NPSR1: variants seen among roughly 807,000 people sequenced by gnomAD.
NPSR1 encodes the protein neuropeptide S receptor 1.
NPSR1 carries 48 observed loss-of-function variants against 46.9 expected under a neutral mutation model. That is an observed-to-expected ratio of 1.02 (90% CI 0.81 to 1.30). The LOEUF is 1.30. Ranked by LOEUF, NPSR1 falls within the 50% of genes most tolerant of loss-of-function variation. The pLI, the probability that NPSR1 is intolerant of heterozygous loss-of-function variation, is 0.00. For synonymous variants in NPSR1, 176 were observed against 168.1 expected (o/e 1.05, Z -0.36); for missense variants, 450 against 449.5 (o/e 1.00, Z -0.01).
At chr7:34,733,190 A>C (rs962484975) in intron 2 of NPSR1, among the ~76,000 whole-genome samples, 2 of 152,150 alleles carry the variant, frequency 1.3e-5, no homozygotes, top group Non-Finnish European at 2.9e-5. Context: ...GGGAAGCCAC[A>C]GTGGGTGGAT....
chr7:34,687,489 AG>A (rs1792995975), intron 2 of NPSR1, among the ~76,000 whole-genome samples: 1 of 152,226 alleles, frequency 6.6e-6, no homozygotes, highest in Admixed American at 6.5e-5. Context: ...AAGGAGAAGC[AG>A]GTACCTTCTT....
Position 34,695,361 on chromosome 7 carries a change from G to GA in NPSR1, c.280+10684dup, listed in dbSNP as rs940663902. 4.0e-4 allele frequency among the ~76,000 whole-genome samples: 61 copies of GA among 151,892 alleles called. 1 individual carries two copies. The highest frequency in any genetic ancestry group is 2.5e-3 in the South Asian group (12 of 4,804). On this transcript the variant is annotated intron_variant, in intron 2 of 8. Transcript: ENST00000360581. ...AAGATCTGAAACTAAAAATCTTAGGGAAAAAAACCTGGGAAAACTCTACTG... is the reference window on the plus strand; with the variant it reads ...AAGATCTGAAACTAAAAATCTTAGGGAAAAAAAACCTGGGAAAACTCTACTG...
At chr7:34,827,105 C>T (rs2128756029) in intron 4 of NPSR1, among the ~76,000 whole-genome samples, 1 of 152,298 alleles carries the variant, frequency 6.6e-6, no homozygotes. Flanking sequence ...CTCCCTAATA[C>T]TGCAGGAATG....
chr7:34,673,788 C>G (rs1319256812), intron 1 of NPSR1, among the ~76,000 whole-genome samples: 1 of 152,148 alleles, frequency 6.6e-6, no homozygotes, highest in Non-Finnish European at 1.5e-5. Flanking sequence ...TAGCTGTATA[C>G]AGATTTCTTA....
Position 34,752,535 on chromosome 7 carries a change from G to A in NPSR1, c.281-25927G>A, listed in dbSNP as rs188590309. On this transcript the variant is annotated intron_variant, in intron 2 of 8. Coordinates refer to ENST00000360581, the MANE Select transcript of NPSR1 (RefSeq NM_207172.2). ...GTTACATTCCAGCCTTCGTACAGGGGCACTGGCTTTTAATATTTAACTTAA... is the reference window on the plus strand; with the variant it reads ...GTTACATTCCAGCCTTCGTACAGGGACACTGGCTTTTAATATTTAACTTAA... Among the ~76,000 whole-genome samples, 381 of 152,212 alleles carry A rather than the reference G, an allele frequency of 2.5e-3. 1 individual carries two copies. The highest frequency in any genetic ancestry group is 8.6e-3 in the African/African-American group (356 of 41,524).
chr7:34,786,125 G>T (rs967893844), intron 3 of NPSR1, among the ~76,000 whole-genome samples: 2 of 152,114 alleles, frequency 1.3e-5, no homozygotes, highest in African/African-American at 4.8e-5. Flanking sequence ...TTTACCCAGA[G>T]TAGAACTTCT....
intron 2 of NPSR1, among the ~76,000 whole-genome samples, chr7:34,739,429 A>T (rs1387032088): frequency 1.3e-5 from 2 of 151,932 alleles, no homozygotes; most frequent in Non-Finnish European, 2.9e-5. Context: ...AATTATAATC[A>T]TCCTAGTGGC....
intron 3 of NPSR1, 110 bp downstream of exon 3, chr7:34,778,675 C>T (rs1415801381): frequency 1.9e-5 from 12 of 634,264 alleles, no homozygotes; most frequent in African/African-American, 1.1e-4. Flanking sequence ...TCAAACTGCC[C>T]GCTTTCTCCT....
intron 2 of NPSR1, among the ~76,000 whole-genome samples, chr7:34,706,715 T>C (rs909176082): frequency 2.6e-5 from 4 of 152,124 alleles, no homozygotes; most frequent in African/African-American, 9.7e-5. Flanking sequence ...GAATGCAAAA[T>C]ATGCGCTAAA....
intron 3 of NPSR1, among the ~76,000 whole-genome samples, chr7:34,805,192 A>T (rs1340617037): frequency 6.6e-6 from 1 of 151,948 alleles, no homozygotes; most frequent in Non-Finnish European, 1.5e-5. Context: ...CTAAAATCAT[A>T]TGGAAAGGCA....
chr7:34,664,751 G>A (rs781454231), intron 1 of NPSR1, among the ~76,000 whole-genome samples: 17 of 152,216 alleles, frequency 1.1e-4, no homozygotes, highest in Non-Finnish European at 2.2e-4. Flanking sequence ...CTACATGAAA[G>A]GCTATTTGCA....
chr7:34,696,567 T>A (rs760492999), intron 2 of NPSR1, among the ~76,000 whole-genome samples: 18 of 152,000 alleles, frequency 1.2e-4, no homozygotes, highest in Non-Finnish European at 1.3e-4. Flanking sequence ...AACTGAAGCT[T>A]ACAATACAAT....
chr7:34,726,516 T>A (rs1012720340), intron 2 of NPSR1, among the ~76,000 whole-genome samples: 4 of 152,214 alleles, frequency 2.6e-5, no homozygotes, highest in African/African-American at 7.2e-5. Flanking sequence ...TTGGTATTTA[T>A]CCAAATGAAT....
intron 2 of NPSR1, among the ~76,000 whole-genome samples, chr7:34,690,467 G>A (rs939845310): frequency 1.3e-5 from 2 of 151,920 alleles, no homozygotes; most frequent in African/African-American, 4.8e-5. Context: ...AGCTCAATGA[G>A]ATCCAAGAAA....
intron 6 of NPSR1, among the ~76,000 whole-genome samples, chr7:34,841,873 C>A (rs1014561843): frequency 2.0e-5 from 3 of 152,200 alleles, no homozygotes; most frequent in African/African-American, 7.2e-5. Flanking sequence ...TAGGAACAGC[C>A]AGTGGGGACA....
chr7:34,855,673 G>A (rs1791033369), intron 8 of NPSR1, among the ~76,000 whole-genome samples: 1 of 151,820 alleles, frequency 6.6e-6, no homozygotes, highest in African/African-American at 2.4e-5. Context: ...TTATTTATGA[G>A]GCTAAAAAAA....
At chr7:34,670,039 A>C (rs1791969541) in intron 1 of NPSR1, among the ~76,000 whole-genome samples, 1 of 152,244 alleles carries the variant, frequency 6.6e-6, no homozygotes, top group Non-Finnish European at 1.5e-5. Flanking sequence ...TGAAGATGTC[A>C]ATTCTCCCCA....
chr7:34,790,296 A>G (rs1284120916), intron 3 of NPSR1, among the ~76,000 whole-genome samples: 1 of 152,146 alleles, frequency 6.6e-6, no homozygotes, highest in Admixed American at 6.6e-5. Context: ...ATAGATGCAG[A>G]AAAACATCGT....
intron 3 of NPSR1, among the ~76,000 whole-genome samples, chr7:34,782,528 C>A (rs568735035): frequency 1.3e-5 from 2 of 152,146 alleles, no homozygotes; most frequent in African/African-American, 4.8e-5. Context: ...ACAGAGACTA[C>A]AAATCTGCAC....
Sources: gnomAD v4.1 joint callset for allele counts (sites outside exome capture counted in the v4.1 genomes callset) on GRCh38, gnomAD v4.1.1 for gene constraint, MANE v1.5 for transcripts, NCBI Gene and HGNC (gene_info 2026-07-23, HGNC 2026-07-21) for gene names.